CDH23: variants seen among roughly 807,000 people sequenced by gnomAD.
The protein encoded by CDH23 is cadherin-23.
CDH23 carries 189 observed loss-of-function variants against 317.1 expected under a neutral mutation model. That is an observed-to-expected ratio of 0.60 (90% CI 0.53 to 0.67). CDH23 has a LOEUF of 0.67. Ranked by LOEUF, CDH23 falls within the 30% of genes least tolerant of loss-of-function variation. The pLI is 0.00. For synonymous variants in CDH23, 1,839 were observed against 1,876.8 expected, an observed-to-expected ratio of 0.98 and a Z score of 0.52; for missense variants, 4,401 against 4,592.4, an observed-to-expected ratio of 0.96 and a Z score of 1.20.
chr10:71,790,801 C>T (rs1841230765), intron 46 of CDH23: 3 of 471,216 alleles, frequency 6.4e-6, no homozygotes, highest in Admixed American at 3.4e-5. Context: ...GACAGGAGGC[C>T]GCTTTGGTGA....
chr10:71,702,231 C>A lies in CDH23; in HGVS notation c.2587+20C>A, dbSNP rs1399904871. The stretch of plus-strand genomic sequence containing the variant: ...CTGACTGTATGGACCCCTCTCGCCC[C>A]TCACGGCCCCCACACCTTAGGCTGC... On this transcript the variant is annotated intron_variant, in intron 23 of 69. Coordinates refer to ENST00000224721, the MANE Select transcript of CDH23 (RefSeq NM_022124.6). 1.2e-6 allele frequency: 2 copies of A among 1,608,560 alleles called. No individual in the cohort carries two copies. The highest frequency in any genetic ancestry group is 1.7e-6 in the Non-Finnish European group (2 of 1,176,436).
chr10:71,629,520 C>A (rs149850928), intron 11 of CDH23, among the ~76,000 whole-genome samples: 1 of 152,184 alleles, frequency 6.6e-6, no homozygotes, highest in African/African-American at 2.4e-5. Flanking sequence ...GATGGCAAGC[C>A]GCCTAAGGGA....
intron 7 of CDH23, among the ~76,000 whole-genome samples, chr10:71,567,532 T>C (rs1857479076): frequency 6.6e-6 from 1 of 152,256 alleles, no homozygotes; most frequent in Admixed American, 6.5e-5. Context: ...TCCCATCTGA[T>C]GGCTGACTCT....
chr10:71,787,319 ATT>A (rs34939679), intron 44 of CDH23, among the ~76,000 whole-genome samples: 130 of 126,308 alleles, frequency 1.0e-3, no homozygotes, highest in Middle Eastern at 4.0e-3. Flanking sequence ...CGCTTTTCAG[ATT>A]TTTTTTTTTT....
intron 47 of CDH23, 22 bp from the exon 48 acceptor site, chr10:71,793,159 AC>A: frequency 6.3e-7 from 1 of 1,575,926 alleles, no homozygotes. Flanking sequence ...GTGCGCAGCT[AC>A]TCCCTTTTCC....
intron 53 of CDH23, 55 bp from the exon 54 acceptor site, chr10:71,802,843 G>C: frequency 6.3e-7 from 1 of 1,593,836 alleles, no homozygotes; most frequent in Admixed American, 1.7e-5. Context: ...GACCAGGTCC[G>C]CTGAGGCTGC....
chr10:71,652,477 G>A (rs1370657514), intron 14 of CDH23, among the ~76,000 whole-genome samples: 1 of 152,240 alleles, frequency 6.6e-6, no homozygotes, highest in Non-Finnish European at 1.5e-5. Flanking sequence ...TGGCAGGAGT[G>A]GGTATTTTCA....
chr10:71,787,461 T>C (rs1314503685), intron 44 of CDH23, among the ~76,000 whole-genome samples: 1 of 152,064 alleles, frequency 6.6e-6, no homozygotes, highest in East Asian at 1.9e-4. Flanking sequence ...CAATGTTCAC[T>C]GAACTGTGAA....
At position 71,725,509 on chromosome 10, in the gene CDH23, A is replaced by C; in HGVS notation, c.3568A>C (p.Ser1190Arg). ...AYNHDLGPMRSSVRVIVYVED... is the reference protein window; with the variant it reads ...AYNHDLGPMRRSVRVIVYVED... ...CAACCACGACCTGGGCCCCATGCGG[A>C]GCTCCGTCAGGGTGAGGCTAGGGGC... The change falls in exon 30 of 70, where the codon AGC becomes CGC. Residue 1190 changes from serine (S) to arginine (R), a missense_variant. Ser to Arg is a moderately radical substitution (Grantham distance 110). Coordinates refer to ENST00000224721, the MANE Select transcript of CDH23 (RefSeq NM_022124.6). The C allele has an allele frequency of 1.2e-6, 2 of 1,613,256 alleles. No individual in the cohort carries two copies. Among genetic ancestry groups the C allele is most frequent in the Non-Finnish European group, 1.7e-6 (2 of 1,179,604 alleles).
intron 11 of CDH23, among the ~76,000 whole-genome samples, chr10:71,625,421 A>AAC (rs55917824): frequency 0.041 from 3,751 of 92,220 alleles, 238 homozygotes; most frequent in Non-Finnish European, 0.06. Flanking sequence ...AAAAAAAAAA[A>AAC]AAATGACAAG....
chr10:71,443,995 G>A (rs1251920667), intron 2 of CDH23, among the ~76,000 whole-genome samples: 1 of 152,216 alleles, frequency 6.6e-6, no homozygotes, highest in Admixed American at 6.5e-5. Flanking sequence ...AATGAACGAT[G>A]CCACTGCAGG....
At chr10:71,779,981 G>T (rs1262672138) in intron 41 of CDH23, among the ~76,000 whole-genome samples, 2 of 152,264 alleles carry the variant, frequency 1.3e-5, no homozygotes, top group Non-Finnish European at 2.9e-5. Context: ...AAAGGCGCCA[G>T]CTAGGGTCAG....
At chr10:71,731,180 G>T (rs1031016491) in intron 31 of CDH23, among the ~76,000 whole-genome samples, 1 of 152,188 alleles carries the variant, frequency 6.6e-6, no homozygotes, top group Non-Finnish European at 1.5e-5. Flanking sequence ...CCCTCCGTGC[G>T]GCCTGGGCTG....
intron 17 of CDH23, among the ~76,000 whole-genome samples, chr10:71,681,635 G>A (rs113604724): frequency 3.9e-5 from 6 of 152,330 alleles, no homozygotes; most frequent in African/African-American, 1.2e-4. Context: ...GGAGGAAATG[G>A]AGGGAAGAGA....
intron 38 of CDH23, among the ~76,000 whole-genome samples, chr10:71,747,053 G>T (rs376376341): frequency 6.6e-5 from 10 of 152,298 alleles, no homozygotes; most frequent in South Asian, 4.1e-4. Flanking sequence ...GCACCAAGAA[G>T]GCTGGCCTTC....
rs190564926 is a variant in CDH23 at position 71,491,566 on chromosome 10, C to T, written c.146-18516C>T. Among the ~76,000 whole-genome samples, 247 of 152,202 alleles carry T rather than the reference C, an allele frequency of 1.6e-3. 1 individual carries two copies. Among genetic ancestry groups the T allele is most frequent in the African/African-American group, 5.9e-3 (243 of 41,530 alleles). ...GTGAGCTATTTCTTCTCTTTTTGAC[C>T]TCAGCAGAGGCCATACTCTACGCCC... is the stretch of plus-strand genomic sequence containing the variant. On this transcript the variant is annotated intron_variant, in intron 3 of 69. Coordinates refer to ENST00000224721, the MANE Select transcript of CDH23 (RefSeq NM_022124.6).
chr10:71,411,710 T>C (rs1029262590), intron 1 of CDH23, among the ~76,000 whole-genome samples: 5 of 152,222 alleles, frequency 3.3e-5, no homozygotes, highest in Non-Finnish European at 5.9e-5. Flanking sequence ...CAATATTTTA[T>C]CATTAAGTGT....
chr10:71,568,111 G>A (rs1589217152), intron 7 of CDH23, among the ~76,000 whole-genome samples: 1 of 152,222 alleles, frequency 6.6e-6, no homozygotes, highest in Non-Finnish European at 1.5e-5. Flanking sequence ...CAGGAAATGC[G>A]AACTTCTTGT....
intron 21 of CDH23, among the ~76,000 whole-genome samples, chr10:71,694,687 A>T (rs1227076): frequency 1.9e-4 from 29 of 151,928 alleles, no homozygotes; most frequent in Non-Finnish European, 3.4e-4. Context: ...TGTGCCCCAG[A>T]GAGTAGAAAG....
Sources: gnomAD v4.1 joint callset for allele counts (sites outside exome capture counted in the v4.1 genomes callset) on GRCh38, gnomAD v4.1.1 for gene constraint, MANE v1.5 for transcripts, NCBI Gene and HGNC (gene_info 2026-07-23, HGNC 2026-07-21) for gene names.